CACNA2D3: variants seen among roughly 807,000 people sequenced by gnomAD.
CACNA2D3 encodes voltage-dependent calcium channel subunit alpha-2/delta-3.
In CACNA2D3, 60 loss-of-function variants were observed where a neutral mutation model predicts 160.6. The observed-to-expected ratio is 0.37, with a 90% CI of 0.30 to 0.46. CACNA2D3 has a LOEUF of 0.46. Ranked by LOEUF, CACNA2D3 falls within the 20% of genes least tolerant of loss-of-function variation. The pLI is 1.00. For missense variants in CACNA2D3, 1,205 were observed against 1,365.0 expected, an observed-to-expected ratio of 0.88 and a Z score of 1.85; for synonymous variants, 558 against 492.9, an observed-to-expected ratio of 1.13 and a Z score of -1.75.
intron 27 of CACNA2D3, among the ~76,000 whole-genome samples, chr3:54,908,019 C>T (rs1700483114): frequency 6.6e-6 from 1 of 152,136 alleles, no homozygotes; most frequent in Non-Finnish European, 1.5e-5. Flanking sequence ...TATGAGCATC[C>T]ATGTACATGT....
intron 3 of CACNA2D3, among the ~76,000 whole-genome samples, chr3:54,377,938 T>C (rs1361873295): frequency 1.3e-5 from 2 of 152,234 alleles, no homozygotes; most frequent in Non-Finnish European, 2.9e-5. Flanking sequence ...CACCTTGTTA[T>C]GTTGACTGTG....
At chr3:54,195,987 A>T (rs777682357) in intron 2 of CACNA2D3, among the ~76,000 whole-genome samples, 3 of 152,204 alleles carry the variant, frequency 2.0e-5, no homozygotes, top group Non-Finnish European at 4.4e-5. Flanking sequence ...GCCATTGATC[A>T]TTGAGTTAGT....
At chr3:54,518,208 A>C (rs978616405) in intron 5 of CACNA2D3, among the ~76,000 whole-genome samples, 9 of 152,102 alleles carry the variant, frequency 5.9e-5, no homozygotes, top group African/African-American at 1.9e-4. Context: ...TTGGGGTCCC[A>C]TCCCCGCTCC....
chr3:54,941,171 A>G (rs879120580), intron 27 of CACNA2D3, among the ~76,000 whole-genome samples: 1 of 152,228 alleles, frequency 6.6e-6, no homozygotes, highest in Non-Finnish European at 1.5e-5. Flanking sequence ...CTTAAACAAA[A>G]CATGTTGTCC....
chr3:54,841,272 T>A (rs1314451351), intron 16 of CACNA2D3, among the ~76,000 whole-genome samples: 1 of 152,350 alleles, frequency 6.6e-6, no homozygotes, highest in South Asian at 2.1e-4. Context: ...TTGAAATAAC[T>A]TTCTCAACAT....
At chr3:54,193,309 A>G (rs1222626401) in intron 2 of CACNA2D3, among the ~76,000 whole-genome samples, 1 of 152,142 alleles carries the variant, frequency 6.6e-6, no homozygotes, top group Non-Finnish European at 1.5e-5. Context: ...TGCTGTGACC[A>G]ATTACTCAGT....
At chr3:54,275,411 G>A (rs112310426) in intron 2 of CACNA2D3, among the ~76,000 whole-genome samples, 2,541 of 152,152 alleles carry the variant, frequency 0.017, 46 homozygotes, top group Admixed American at 0.048. Context: ...AAAACAATAT[G>A]AAAGGCATAG....
intron 12 of CACNA2D3, among the ~76,000 whole-genome samples, chr3:54,763,907 G>C (rs1042646472): frequency 1.2e-5 from 1 of 80,620 alleles, no homozygotes; most frequent in East Asian, 3.2e-4. Context: ...GGGGGGGGGG[G>C]GTGCATATAA....
chr3:54,439,905 G>A (rs1700117260), intron 4 of CACNA2D3, among the ~76,000 whole-genome samples: 1 of 152,094 alleles, frequency 6.6e-6, no homozygotes, highest in South Asian at 2.1e-4. Flanking sequence ...CATTTATATT[G>A]TGTCACCATC....
intron 11 of CACNA2D3, among the ~76,000 whole-genome samples, chr3:54,692,352 C>T (rs1217322195): frequency 6.6e-6 from 1 of 152,176 alleles, no homozygotes; most frequent in Non-Finnish European, 1.5e-5. Flanking sequence ...TTAAGTCATG[C>T]CCCTTCAGGT....
At chr3:54,123,647 A>T (rs1030413870) in intron 2 of CACNA2D3, 53 bp downstream of exon 2, 31 of 1,422,502 alleles carry the variant, frequency 2.2e-5, no homozygotes, top group Non-Finnish European at 3.1e-5. Flanking sequence ...CAGAAAATGG[A>T]GGCAGATTTA....
intron 35 of CACNA2D3, among the ~76,000 whole-genome samples, chr3:55,051,483 C>G (rs952868494): frequency 2.6e-5 from 4 of 151,984 alleles, no homozygotes; most frequent in African/African-American, 9.7e-5. Context: ...CAGCTGCATG[C>G]TGGGAGAACC....
chr3:54,731,943 C>T (rs1701397707), intron 11 of CACNA2D3, among the ~76,000 whole-genome samples: 1 of 152,068 alleles, frequency 6.6e-6, no homozygotes, highest in Non-Finnish European at 1.5e-5. Context: ...GTGTCAAGGC[C>T]CTTTTTTTCT....
intron 5 of CACNA2D3, among the ~76,000 whole-genome samples, chr3:54,541,009 G>A (rs1175580735): frequency 1.3e-5 from 2 of 152,182 alleles, no homozygotes; most frequent in South Asian, 2.1e-4. Flanking sequence ...CGAGCGTGGT[G>A]GCTCACGCCT....
chr3:54,967,152 A>T (rs1702173627), intron 27 of CACNA2D3: 1 of 152,240 alleles, frequency 6.6e-6, no homozygotes, highest in African/African-American at 2.4e-5. Context: ...GGAAATTCTA[A>T]GTGCAAACAC....
chr3:54,710,375 C>T (rs1256283795), intron 11 of CACNA2D3, among the ~76,000 whole-genome samples: 2 of 152,112 alleles, frequency 1.3e-5, no homozygotes, highest in Non-Finnish European at 2.9e-5. Context: ...TCTCACATTC[C>T]AATATGATGC....
At chr3:54,243,572 G>A (rs540443358) in intron 2 of CACNA2D3, among the ~76,000 whole-genome samples, 246 of 152,280 alleles carry the variant, frequency 1.6e-3, no homozygotes, top group Non-Finnish European at 2.9e-3. Flanking sequence ...GGCCACTGAA[G>A]CATTTGATAG....
At chr3:54,232,803 G>A (rs1701800431) in intron 2 of CACNA2D3, among the ~76,000 whole-genome samples, 1 of 152,194 alleles carries the variant, frequency 6.6e-6, no homozygotes, top group South Asian at 2.1e-4. Context: ...TATGCGATTA[G>A]AGTAGAAAGC....
chr3:55,051,317 C>T (rs1412650892), intron 35 of CACNA2D3, among the ~76,000 whole-genome samples: 1 of 152,108 alleles, frequency 6.6e-6, no homozygotes, highest in East Asian at 1.9e-4. Context: ...AGTTTTCCTT[C>T]TAACAGAGGG....
Sources: allele counts gnomAD v4.1 joint callset (sites outside exome capture counted in the v4.1 genomes callset), GRCh38; gene constraint gnomAD v4.1.1; transcripts MANE v1.5; gene names NCBI Gene and HGNC (gene_info 2026-07-23, HGNC 2026-07-21).